The following SNX4 variants were observed in gnomAD, a reference collection of about 807,000 sequenced individuals.
SNX4 encodes the protein sorting nexin 4, also known as sorting nexin-4.
A neutral mutation model predicts 70.8 loss-of-function variants in SNX4; 49 were observed. That is an observed-to-expected ratio of 0.69 (90% CI 0.55 to 0.88). The LOEUF (loss-of-function observed/expected upper bound fraction) is 0.88. SNX4 is among the 40% of genes least tolerant of loss of function. SNX4 has a pLI of 0.00. For synonymous variants in SNX4, 206 were observed against 183.8 expected (o/e 1.12, Z -0.98); for missense variants, 528 against 544.8 (o/e 0.97, Z 0.31).
At chr3:125,509,195 G>C (rs922606288) in intron 1 of SNX4, among the ~76,000 whole-genome samples, 2 of 151,802 alleles carry the variant, frequency 1.3e-5, no homozygotes, top group Admixed American at 1.3e-4. Context: ...AGCCAGGCGT[G>C]GTGTCATATC....
intron 13 of SNX4, chr3:125,449,151 C>G (rs1029513219): frequency 6.6e-6 from 1 of 151,728 alleles, no homozygotes; most frequent in Non-Finnish European, 1.5e-5. Flanking sequence ...GGGCCAGGTG[C>G]GGTGGCTCAC....
At chr3:125,506,142 G>A (rs1158618173) in intron 1 of SNX4, among the ~76,000 whole-genome samples, 1 of 152,056 alleles carries the variant, frequency 6.6e-6, no homozygotes, top group East Asian at 1.9e-4. Context: ...CCCAGGGTAG[G>A]AGAAGAATTC....
intron 1 of SNX4, among the ~76,000 whole-genome samples, chr3:125,516,544 T>C (rs1266548684): frequency 6.6e-6 from 1 of 152,044 alleles, no homozygotes; most frequent in Non-Finnish European, 1.5e-5. Flanking sequence ...AAATCTGCAG[T>C]CAAAAATAAG....
intron 2 of SNX4, among the ~76,000 whole-genome samples, chr3:125,502,141 A>G (rs1934942399): frequency 1.3e-5 from 2 of 152,208 alleles, no homozygotes; most frequent in South Asian, 2.1e-4. Context: ...ACTGTTTTCT[A>G]AAGTATTATT....
At chr3:125,464,060 A>T (rs933655164) in intron 9 of SNX4, among the ~76,000 whole-genome samples, 6 of 152,176 alleles carry the variant, frequency 3.9e-5, no homozygotes, top group South Asian at 4.1e-4. Flanking sequence ...TTAAAATTTT[A>T]AAAAATAGTA....
intron 9 of SNX4, among the ~76,000 whole-genome samples, chr3:125,466,585 A>G (rs948035146): frequency 6.6e-6 from 1 of 152,212 alleles, no homozygotes; most frequent in African/African-American, 2.4e-5. Flanking sequence ...TCCAGAATCT[A>G]TAAGGAACTT....
chr3:125,456,115 T>G (rs1933708547), intron 11 of SNX4, among the ~76,000 whole-genome samples: 2 of 152,196 alleles, frequency 1.3e-5, no homozygotes. Context: ...GCTGATTTAT[T>G]GCAATGAAAT....
intron 10 of SNX4, among the ~76,000 whole-genome samples, chr3:125,460,274 A>G (rs1933843569): frequency 6.6e-6 from 1 of 151,986 alleles, no homozygotes; most frequent in African/African-American, 2.4e-5. Flanking sequence ...TCCTTTTTCT[A>G]AACTGATCAG....
At chr3:125,502,666 C>T (rs1394001904) in intron 2 of SNX4, among the ~76,000 whole-genome samples, 1 of 151,570 alleles carries the variant, frequency 6.6e-6, no homozygotes, top group Admixed American at 6.6e-5. Flanking sequence ...GTCAGAAATT[C>T]GAGACCAGTC....
intron 1 of SNX4, 52 bp downstream of exon 1, chr3:125,519,980 C>A: frequency 6.9e-7 from 1 of 1,458,524 alleles, no homozygotes; most frequent in Non-Finnish European, 9.1e-7. Context: ...CCCAGCCCGG[C>A]CCGCTAGGCC....
chr3:125,465,807 T>A (rs1296573190), intron 9 of SNX4, among the ~76,000 whole-genome samples: 1 of 152,052 alleles, frequency 6.6e-6, no homozygotes, highest in African/African-American at 2.4e-5. Context: ...CACACCCGGC[T>A]AATTTTTGTA....
intron 11 of SNX4, among the ~76,000 whole-genome samples, chr3:125,455,589 C>T (rs1933690348): frequency 6.6e-6 from 1 of 152,158 alleles, no homozygotes; most frequent in African/African-American, 2.4e-5. Flanking sequence ...GGAACTTCTC[C>T]CACTGAGTTT....
At position 125,490,156 on chromosome 3, in the gene SNX4, G is replaced by A. The variant is rs140552962; in HGVS notation, c.598-693C>T. Among the ~76,000 whole-genome samples the A allele has an allele frequency of 1.2e-3, 188 of 151,698 alleles. No individual in the cohort carries two copies. The South Asian group carries it at 0.013, about 10-fold the overall frequency. ...AAAAGAAACTACTGCTTTAGAGTCT[G>A]CATCTACTGAGGGTAGTTCCAAAGC... On this transcript the variant is annotated intron_variant, in intron 5 of 13. Transcript: ENST00000251775.
At chr3:125,497,471 TCTTA>T in intron 4 of SNX4, 83 bp from the exon 5 acceptor site, 1 of 936,156 alleles carries the variant, frequency 1.1e-6, no homozygotes, top group South Asian at 1.4e-5. Flanking sequence ...ATCATTCTGT[TCTTA>T]CTTCAGCAGG....
intron 6 of SNX4, among the ~76,000 whole-genome samples, chr3:125,487,681 C>T (rs530648084): frequency 1.3e-3 from 190 of 150,988 alleles, no homozygotes; most frequent in African/African-American, 4.5e-3. Flanking sequence ...TTATAAAAAC[C>T]TCAATGGAAC....
At chr3:125,454,358 T>C (rs1178466194) in intron 11 of SNX4, among the ~76,000 whole-genome samples, 1 of 152,202 alleles carries the variant, frequency 6.6e-6, no homozygotes, top group Admixed American at 6.5e-5. Flanking sequence ...CGAACCCTAT[T>C]GTGAACTGCG....
chr3:125,457,458 G>A (rs7634403), intron 10 of SNX4, 93 bp from the exon 11 acceptor site: 20,955 of 869,946 alleles, frequency 0.024, 651 homozygotes, highest in African/African-American at 0.093. Flanking sequence ...ACAATGTCTC[G>A]CTAGGGCAGA....
At chr3:125,506,449 C>T (rs1244610476) in intron 1 of SNX4, among the ~76,000 whole-genome samples, 1 of 151,334 alleles carries the variant, frequency 6.6e-6, no homozygotes, top group Non-Finnish European at 1.5e-5. Flanking sequence ...CAAGCGATTC[C>T]TGTGCTTCAG....
Position 125,457,413 on chromosome 3 carries a change from C to T in SNX4, c.945-48G>A, listed in dbSNP as rs367761540. 22 of 1,415,022 alleles carry T rather than the reference C, an allele frequency of 1.6e-5. No individual in the cohort carries two copies. The African/African-American group carries it at 2.7e-4, about 17-fold the overall frequency. 87.7% of individuals were successfully genotyped at this position (1,415,022 alleles called of 1,614,324 possible). ...CCATTTAACTTTTCCTTTAACATGT[C>T]AAACATTTTTTTCAAGGGTAGAGGA... On this transcript the variant is annotated intron_variant, in intron 10 of 13. Transcript: ENST00000251775.
Sources: gnomAD v4.1 joint callset for allele counts (sites outside exome capture counted in the v4.1 genomes callset) on GRCh38, gnomAD v4.1.1 for gene constraint, MANE v1.5 for transcripts, NCBI Gene and HGNC (gene_info 2026-07-23, HGNC 2026-07-21) for gene names.